The following NPLOC4 variants were observed in gnomAD, a reference collection of about 807,000 sequenced individuals.
NPLOC4 encodes NPL4 homolog, ubiquitin recognition factor.
A neutral mutation model predicts 80.6 loss-of-function variants in NPLOC4; 18 were observed. The observed-to-expected ratio is 0.22, with a 90% CI of 0.15 to 0.33. The LOEUF (loss-of-function observed/expected upper bound fraction) is 0.33. Among genes scored for constraint, NPLOC4 ranks in the 10% least tolerant of loss-of-function variants. NPLOC4 has a pLI of 1.00. For synonymous variants in NPLOC4, 313 were observed against 301.5 expected, an observed-to-expected ratio of 1.04 and a Z score of -0.39; for missense variants, 540 against 786.1, an observed-to-expected ratio of 0.69 and a Z score of 3.74.
intron 16 of NPLOC4, chr17:81,564,614 C>T (rs974683066): frequency 3.3e-5 from 5 of 152,124 alleles, no homozygotes; most frequent in African/African-American, 7.2e-5. Flanking sequence ...ATGGTGAAAC[C>T]CTGGCTCTAC....
chr17:81,602,964 CATAT>C (rs199530403), intron 8 of NPLOC4, among the ~76,000 whole-genome samples: 3 of 134,188 alleles, frequency 2.2e-5, no homozygotes, highest in South Asian at 2.4e-4. Context: ...TATATACACA[CATAT>C]ATATACACAA....
Position 81,580,822 on chromosome 17 carries a change from C to T in NPLOC4, c.1281+8122G>A, listed in dbSNP as rs907964495. Among the ~76,000 whole-genome samples the T allele has an allele frequency of 1.3e-5, 2 of 152,216 alleles. No homozygotes were observed. Among genetic ancestry groups the T allele is most frequent in the Non-Finnish European group, 2.9e-5 (2 of 68,040 alleles). ...GAGAGAATGGATGCCGTGAGAGCAT[C>T]GCACAGTGAATCAGGTCAGTGCTAC... On this transcript the variant is annotated intron_variant, in intron 12 of 16. Transcript: ENST00000331134. This position sits in a 1 kb window ranked among gnomAD's most constrained non-coding sequence, Gnocchi z 4.4.
intron 3 of NPLOC4, among the ~76,000 whole-genome samples, chr17:81,615,354 C>A (rs1386960447): frequency 6.6e-6 from 1 of 152,148 alleles, no homozygotes; most frequent in African/African-American, 2.4e-5. Context: ...CCTGCCTCGG[C>A]CTCCCAAAGT....
chr17:81,566,032 G>T (rs555516396), intron 15 of NPLOC4, among the ~76,000 whole-genome samples: 2 of 152,278 alleles, frequency 1.3e-5, no homozygotes, highest in African/African-American at 4.8e-5. Context: ...GAGTCAAACT[G>T]CAGGGGATTA....
intron 4 of NPLOC4, 191 bp downstream of exon 4, chr17:81,613,127 T>TA (rs56233095): frequency 0.049 from 20,596 of 418,702 alleles, 85 homozygotes; most frequent in African/African-American, 0.065. Context: ...GATAAAAAGC[T>TA]AAAAAAAAAA....
At chr17:81,611,619 G>A (rs1186872952) in intron 4 of NPLOC4, among the ~76,000 whole-genome samples, 1 of 151,626 alleles carries the variant, frequency 6.6e-6, no homozygotes, top group Non-Finnish European at 1.5e-5. Flanking sequence ...CAAAGTGCTG[G>A]GATTACAGGT....
chr17:81,588,486 T>C (rs2034648921), intron 12 of NPLOC4, among the ~76,000 whole-genome samples: 1 of 152,202 alleles, frequency 6.6e-6, no homozygotes, highest in South Asian at 2.1e-4. Context: ...CTCAGCCTCC[T>C]GAGTAGCTGG....
At chr17:81,614,789 G>C (rs1242334005) in intron 3 of NPLOC4, among the ~76,000 whole-genome samples, 1 of 152,174 alleles carries the variant, frequency 6.6e-6, no homozygotes, top group Admixed American at 6.6e-5. Context: ...GGGGTCCCAA[G>C]TGACCAGAGA....
At chr17:81,608,333 T>G (rs1446634805) in intron 6 of NPLOC4, among the ~76,000 whole-genome samples, 1 of 152,198 alleles carries the variant, frequency 6.6e-6, no homozygotes, top group African/African-American at 2.4e-5. Flanking sequence ...GGGTGGTGTG[T>G]GTGGGGACAG....
chr17:81,615,102 T>TTCTTTC lies in NPLOC4; in HGVS notation c.210-1609_210-1608insGAAAGA, dbSNP rs898716590. Among the ~76,000 whole-genome samples, 9 of 135,978 alleles carry TTCTTTC rather than the reference T, an allele frequency of 6.6e-5. No individual in the cohort carries two copies. In the South Asian group the frequency reaches 9.6e-4, roughly 14 times the overall value. 89.2% of individuals were successfully genotyped at this position (135,978 alleles called of 152,430 possible). A position where few individuals can be genotyped will look rare whatever the true frequency, so the allele number is the denominator to read the frequency against. On this transcript the variant is annotated intron_variant, in intron 3 of 16. Coordinates refer to ENST00000331134, the MANE Select transcript of NPLOC4 (RefSeq NM_017921.4). Reference sequence around the variant, plus strand: ...TACCACATCAGAGACGTCTGTTTCTTTTTTTTTTTTTTTTTGAGACAGAGT... The same window carrying TTCTTTC: ...TACCACATCAGAGACGTCTGTTTCTTTCTTTCTTTTTTTTTTTTTTTGAGACAGAGT...
intron 7 of NPLOC4, among the ~76,000 whole-genome samples, 177 bp from the exon 8 acceptor site, chr17:81,604,904 C>T (rs1223329330): frequency 1.3e-5 from 2 of 152,128 alleles, no homozygotes; most frequent in Non-Finnish European, 2.9e-5. Flanking sequence ...GCTAGAGGAT[C>T]GCTTAAGCCC....
intron 2 of NPLOC4, among the ~76,000 whole-genome samples, chr17:81,624,405 T>A (rs1418841147): frequency 6.6e-6 from 1 of 150,998 alleles, no homozygotes; most frequent in Non-Finnish European, 1.5e-5. Flanking sequence ...GCGACAAGAG[T>A]GAAACTCCGT....
At chr17:81,597,160 G>C in intron 10 of NPLOC4, 85 bp downstream of exon 10, 1 of 891,236 alleles carries the variant, frequency 1.1e-6, no homozygotes, top group Non-Finnish European at 1.8e-6. Context: ...TAGAACCAGC[G>C]GTGCAAAGAG....
Position 81,559,148 on chromosome 17 carries a change from T to C in NPLOC4, c.*111A>G. 8.0e-7 allele frequency: 1 copy of C among 1,246,680 alleles called. No individual in the cohort carries two copies. The highest frequency in any genetic ancestry group is 1.1e-6 in the Non-Finnish European group (1 of 924,280). The allele number at this position is 1,246,680 out of a possible 1,614,324, so 77.2% of individuals were successfully genotyped here. On this transcript the variant is annotated 3_prime_UTR_variant, in exon 17 of 17. Coordinates refer to ENST00000331134, the MANE Select transcript of NPLOC4 (RefSeq NM_017921.4). The stretch of plus-strand genomic sequence containing the variant: ...GAGCCCAGGACAGCCAGCCCCTTGT[T>C]CCTCCAGGGCTGCCCACTATGGGGC...
intron 5 of NPLOC4, 144 bp downstream of exon 5, chr17:81,610,066 A>C: frequency 1.6e-6 from 1 of 637,706 alleles, no homozygotes; most frequent in Non-Finnish European, 2.8e-6. Context: ...CACTAGGGGA[A>C]TATGAGGCCC....
In NPLOC4 at chr17:81,567,170, C is replaced by A. The variant is rs116467777; in HGVS notation, c.1566+247G>T. ...TAACAGATGAAACCGTACTTCCTCA[C>A]AGAGGTGCAGACACTCAATGGAAAT... is the stretch of plus-strand genomic sequence containing the variant. On this transcript the variant is annotated intron_variant, in intron 15 of 16. Coordinates refer to ENST00000331134, the MANE Select transcript of NPLOC4 (RefSeq NM_017921.4). The surrounding 1 kb of genome is among the most constrained non-coding windows in gnomAD (Gnocchi z 4.5). Among the ~76,000 whole-genome samples, 32 of 152,346 alleles carry A rather than the reference C, an allele frequency of 2.1e-4. No homozygotes were observed. Among genetic ancestry groups the A allele is most frequent in the African/African-American group, 7.5e-4 (31 of 41,584 alleles).
intron 6 of NPLOC4, 86 bp downstream of exon 6, chr17:81,608,640 TCA>T: frequency 1.1e-6 from 1 of 894,516 alleles, no homozygotes; most frequent in Non-Finnish European, 1.8e-6. Context: ...TTTACTTCTC[TCA>T]TTCACACGTT....
At chr17:81,563,444 T>C (rs1270106950) in intron 16 of NPLOC4, 1 of 151,904 alleles carries the variant, frequency 6.6e-6, no homozygotes, top group Non-Finnish European at 1.5e-5. Flanking sequence ...GTGGCTCATG[T>C]TTATACTCCT....
chr17:81,596,000 C>A, intron 11 of NPLOC4, 116 bp downstream of exon 11: 6 of 1,021,290 alleles, frequency 5.9e-6, no homozygotes, highest in Non-Finnish European at 8.6e-6. Flanking sequence ...TTATATCCCA[C>A]AAGCCCAGTA....
Sources: allele counts gnomAD v4.1 joint callset (sites outside exome capture counted in the v4.1 genomes callset), GRCh38; gene constraint gnomAD v4.1.1; non-coding constraint Gnocchi (gnomAD v3.1); transcripts MANE v1.5; gene names NCBI Gene and HGNC (gene_info 2026-07-23, HGNC 2026-07-21).